Variants in STK32B observed in about 807,000 individuals in gnomAD.
STK32B encodes serine/threonine-protein kinase 32B.
Under a neutral mutation model 52.6 loss-of-function variants are expected in STK32B, and 43 were observed. The observed-to-expected ratio is 0.82, with a 90% confidence interval of 0.64 to 1.05. The LOEUF (loss-of-function observed/expected upper bound fraction) is 1.05. STK32B is among the 50% of genes least tolerant of loss of function. STK32B has a pLI of 0.00. For synonymous variants in STK32B, 238 were observed against 204.3 expected, an observed-to-expected ratio of 1.17 and a Z score of -1.41; for missense variants, 621 against 534.6, an observed-to-expected ratio of 1.16 and a Z score of -1.59.
At chr4:5,327,209 AC>A in intron 3 of STK32B, among the ~76,000 whole-genome samples, 1 of 150,416 alleles carries the variant, frequency 6.6e-6, no homozygotes, top group Non-Finnish European at 1.5e-5. Flanking sequence ...GAAGTCTTGA[AC>A]CCCTCATAGT....
At chr4:5,187,129 C>T (rs1186416506) in intron 3 of STK32B, among the ~76,000 whole-genome samples, 1 of 152,170 alleles carries the variant, frequency 6.6e-6, no homozygotes, top group Admixed American at 6.5e-5. Flanking sequence ...GTCCAGTAGT[C>T]AGAGAAGCCA....
chr4:5,244,703 T>G (rs1287118823), intron 3 of STK32B, among the ~76,000 whole-genome samples: 19 of 152,304 alleles, frequency 1.2e-4, no homozygotes, highest in Admixed American at 9.8e-4. Context: ...TGCTTTCTCT[T>G]GTGGGCATTT....
chr4:5,437,933 C>CA (rs1281919941), intron 6 of STK32B: 1 of 985,352 alleles, frequency 1.0e-6, no homozygotes, highest in Non-Finnish European at 1.2e-6. Context: ...CCATCAGCTC[C>CA]AAGTGTGTGG....
chr4:5,051,740 C>T lies in STK32B; in HGVS notation c.-124C>T. On this transcript the variant is annotated 5_prime_UTR_variant, in exon 1 of 12. Coordinates refer to ENST00000282908, the MANE Select transcript of STK32B (RefSeq NM_018401.3). ...CTGCACGGTGCTCGGCCCCCTCGGG[C>T]TCCGCGCGCGGCTACAACCCGGACT... The T allele has an allele frequency of 2.2e-6, 3 of 1,366,224 alleles. No individual in the cohort carries two copies. Among genetic ancestry groups the T allele is most frequent in the South Asian group, 1.4e-5 (1 of 71,268 alleles). 84.6% of individuals were successfully genotyped at this position (1,366,224 alleles called of 1,614,324 possible).
intron 3 of STK32B, among the ~76,000 whole-genome samples, chr4:5,267,735 G>A (rs139949071): frequency 1.0e-3 from 154 of 152,264 alleles, no homozygotes; most frequent in African/African-American, 3.6e-3. Context: ...GAGAGTGCGG[G>A]GGAAGGAAAC....
At chr4:5,030,226 G>T in the STK32B span, among the ~76,000 whole-genome samples, 1 of 152,170 alleles carries the variant, frequency 6.6e-6, no homozygotes, top group African/African-American at 2.4e-5. Context: ...ATTATTCGAG[G>T]TTATTCACTG....
At chr4:5,232,674 T>C (rs1022018360) in intron 3 of STK32B, among the ~76,000 whole-genome samples, 3 of 151,950 alleles carry the variant, frequency 2.0e-5, no homozygotes, top group Non-Finnish European at 2.9e-5. Flanking sequence ...GAGCAGTGAG[T>C]GAGAGCATTT....
At chr4:5,092,424 C>T (rs963425828) in intron 1 of STK32B, among the ~76,000 whole-genome samples, 12 of 151,316 alleles carry the variant, frequency 7.9e-5, no homozygotes, top group African/African-American at 2.4e-4. Context: ...CCCAGCTACT[C>T]GGGAGGCTGA....
intron 1 of STK32B, among the ~76,000 whole-genome samples, chr4:5,113,973 A>G (rs974109184): frequency 5.3e-5 from 8 of 152,094 alleles, no homozygotes; most frequent in Non-Finnish European, 8.8e-5. Flanking sequence ...TACTATCACG[A>G]GAATAGCATG....
Position 5,413,937 on chromosome 4 carries a change from G to A in STK32B, c.473-2908G>A, listed in dbSNP as rs533177543. On this transcript the variant is annotated intron_variant, in intron 5 of 11. Coordinates refer to ENST00000282908, the MANE Select transcript of STK32B (RefSeq NM_018401.3). ...TATAACTTTTTGGAACATAATATGC[G>A]TACCCTTGGTCCCAGCAATCCCACT... 5.3e-5 allele frequency among the ~76,000 whole-genome samples: 8 copies of A among 152,262 alleles called. No homozygotes were observed. The East Asian group carries it at 7.7e-4, about 15-fold the overall frequency.
intron 3 of STK32B, among the ~76,000 whole-genome samples, chr4:5,272,707 C>G (rs1727527441): frequency 6.6e-6 from 1 of 151,376 alleles, no homozygotes; most frequent in Non-Finnish European, 1.5e-5. Flanking sequence ...ACTATCTGAT[C>G]TTTGACAAAC....
chr4:5,074,703 T>A (rs1018595626), intron 1 of STK32B, among the ~76,000 whole-genome samples: 1 of 152,206 alleles, frequency 6.6e-6, no homozygotes, highest in Non-Finnish European at 1.5e-5. Context: ...TTTTATTCAA[T>A]GAACTTTTTA....
At chr4:5,252,233 T>A (rs1211121176) in intron 3 of STK32B, among the ~76,000 whole-genome samples, 2 of 152,172 alleles carry the variant, frequency 1.3e-5, no homozygotes. Context: ...CAAAGATTTG[T>A]CATTATTGGC....
intron 3 of STK32B, among the ~76,000 whole-genome samples, chr4:5,262,191 C>G (rs977424111): frequency 6.6e-6 from 1 of 152,162 alleles, no homozygotes; most frequent in Admixed American, 6.5e-5. Context: ...CCAGTTGCAG[C>G]TCAGAGGAAG....
intron 3 of STK32B, among the ~76,000 whole-genome samples, chr4:5,278,595 T>C (rs1465873607): frequency 6.6e-6 from 1 of 152,224 alleles, no homozygotes; most frequent in Non-Finnish European, 1.5e-5. Flanking sequence ...ACTTGCGAAT[T>C]TGAAAACCTA....
intron 3 of STK32B, among the ~76,000 whole-genome samples, chr4:5,261,895 C>T (rs986755748): frequency 2.6e-5 from 4 of 152,058 alleles, no homozygotes; most frequent in African/African-American, 7.3e-5. Context: ...TGACAGTATT[C>T]GCAGCAGAAA....
chr4:5,287,032 G>A (rs986042742), intron 3 of STK32B, among the ~76,000 whole-genome samples: 5 of 151,946 alleles, frequency 3.3e-5, no homozygotes, highest in South Asian at 4.2e-4. Flanking sequence ...TCCTGACCTC[G>A]TGTTCCGCCC....
intron 3 of STK32B, among the ~76,000 whole-genome samples, chr4:5,180,128 A>G (rs1329629856): frequency 6.6e-6 from 1 of 152,188 alleles, no homozygotes; most frequent in African/African-American, 2.4e-5. Context: ...CCTGCTGCCC[A>G]CATGCCATGT....
At chr4:5,183,742 C>G (rs1389521408) in intron 3 of STK32B, among the ~76,000 whole-genome samples, 1 of 152,208 alleles carries the variant, frequency 6.6e-6, no homozygotes, top group Non-Finnish European at 1.5e-5. Context: ...TTCTAAGTAA[C>G]TTGCTACAGC....
Sources: allele counts gnomAD v4.1 joint callset (sites outside exome capture counted in the v4.1 genomes callset), GRCh38; gene constraint gnomAD v4.1.1; transcripts MANE v1.5; gene names NCBI Gene and HGNC (gene_info 2026-07-23, HGNC 2026-07-21).